TBCA: variants seen among roughly 807,000 people sequenced by gnomAD.
The protein encoded by TBCA is tubulin-specific chaperone A.
Under a neutral mutation model 15.8 loss-of-function variants are expected in TBCA, and 6 were observed. The ratio of observed to expected loss-of-function variants is 0.38; its 90% CI spans 0.21 to 0.75. The LOEUF (loss-of-function observed/expected upper bound fraction) is 0.75. Ranked by LOEUF, TBCA falls within the 30% of genes least tolerant of loss-of-function variation. The pLI is 0.46. For synonymous variants in TBCA, 32 were observed against 42.3 expected (o/e 0.76, Z 0.94); for missense variants, 90 against 131.2 (o/e 0.69, Z 1.53).
At chr5:77,741,501 G>T (rs951247844) in intron 1 of TBCA, among the ~76,000 whole-genome samples, 1 of 152,082 alleles carries the variant, frequency 6.6e-6, no homozygotes, top group African/African-American at 2.4e-5. Flanking sequence ...CATACAAAGA[G>T]CACCTGATCC....
At chr5:77,758,633 CTT>C (rs1481147182) in intron 1 of TBCA, among the ~76,000 whole-genome samples, 1 of 152,204 alleles carries the variant, frequency 6.6e-6, no homozygotes, top group Admixed American at 6.5e-5. Flanking sequence ...CTTCCAGGGT[CTT>C]GTGTCCCTTT....
At chr5:77,703,185 T>C (rs1042001442) in intron 2 of TBCA, among the ~76,000 whole-genome samples, 12 of 152,334 alleles carry the variant, frequency 7.9e-5, no homozygotes, top group African/African-American at 2.9e-4. Context: ...TGAAAACTCT[T>C]TTGTGAGAAA....
chr5:77,699,389 T>C (rs1465100567), intron 2 of TBCA, among the ~76,000 whole-genome samples: 1 of 152,190 alleles, frequency 6.6e-6, no homozygotes, highest in African/African-American at 2.4e-5. Flanking sequence ...AACAGTGCAG[T>C]ATTGTTAATG....
At chr5:77,730,117 C>T (rs913756742) in intron 1 of TBCA, among the ~76,000 whole-genome samples, 2 of 152,100 alleles carry the variant, frequency 1.3e-5, no homozygotes, top group Non-Finnish European at 2.9e-5. Flanking sequence ...TCAGCTGAGA[C>T]GTTGTATTGG....
intron 2 of TBCA, among the ~76,000 whole-genome samples, chr5:77,694,868 C>T (rs999742012): frequency 7.2e-5 from 11 of 152,140 alleles, no homozygotes; most frequent in African/African-American, 2.2e-4. Flanking sequence ...GAACTTAAAC[C>T]TCTTTTACTA....
intron 1 of TBCA, among the ~76,000 whole-genome samples, chr5:77,774,297 G>A (rs944525570): frequency 1.1e-4 from 16 of 152,114 alleles, no homozygotes; most frequent in Non-Finnish European, 2.4e-4. Context: ...TGTCTCTTAA[G>A]GGGAAAATCT....
intron 2 of TBCA, among the ~76,000 whole-genome samples, chr5:77,706,048 G>A (rs1746142511): frequency 1.3e-5 from 2 of 152,120 alleles, no homozygotes; most frequent in South Asian, 4.1e-4. Context: ...CCAACAGGTT[G>A]TTTCAGCTGC....
At chr5:77,764,829 C>T (rs1219390419) in intron 1 of TBCA, among the ~76,000 whole-genome samples, 2 of 152,104 alleles carry the variant, frequency 1.3e-5, no homozygotes, top group Non-Finnish European at 2.9e-5. Flanking sequence ...CATTGCTAGC[C>T]ATCCCAATAT....
chr5:77,736,825 G>A (rs1178030937), intron 1 of TBCA, among the ~76,000 whole-genome samples: 1 of 152,150 alleles, frequency 6.6e-6, no homozygotes, highest in Non-Finnish European at 1.5e-5. Context: ...TGATAACACA[G>A]AGCTATATAA....
chr5:77,750,571 T>C (rs1318291003), intron 1 of TBCA, among the ~76,000 whole-genome samples: 2 of 152,094 alleles, frequency 1.3e-5, no homozygotes, highest in Non-Finnish European at 2.9e-5. Context: ...TCACCTAAAA[T>C]AATTAGTAGT....
At chr5:77,720,023 A>G (rs555983072) in intron 1 of TBCA, among the ~76,000 whole-genome samples, 1 of 152,158 alleles carries the variant, frequency 6.6e-6, no homozygotes, top group Non-Finnish European at 1.5e-5. Context: ...GTCCAGACCC[A>G]TATCTCTAAC....
chr5:77,763,533 C>G (rs536161917), intron 1 of TBCA, among the ~76,000 whole-genome samples: 1 of 152,134 alleles, frequency 6.6e-6, no homozygotes, highest in East Asian at 1.9e-4. Context: ...TTCAATGTAA[C>G]GCTATTAGGA....
In TBCA at chr5:77,776,212, C is replaced by G. The variant is rs1748023718; in HGVS notation, c.46G>C (p.Val16Leu). Residue 16 changes from valine (V) to leucine (L), a missense_variant, in exon 1 of 4, where the codon GTG becomes CTG. Physicochemically the swap from Val to Leu is conservative, Grantham distance 32 (BLOSUM62 1). Transcript: ENST00000380377. ...CCGCTCCCGGCTCCTTACCGCTTCA[C>G]CACGCCGGTCTTGATCTTGATCTGT... The part of the protein sequence containing the change: ...VRQIKIKTGV[V>L]KRLVKEKVMY... The G allele has an allele frequency of 5.1e-6, 8 of 1,569,622 alleles. No homozygotes were observed. The highest frequency in any genetic ancestry group is 6.9e-6 in the Non-Finnish European group (8 of 1,158,382).
At chr5:77,767,267 GACAA>G (rs1461310665) in intron 1 of TBCA, among the ~76,000 whole-genome samples, 1 of 151,988 alleles carries the variant, frequency 6.6e-6, no homozygotes, top group Non-Finnish European at 1.5e-5. Flanking sequence ...ATACTATATA[GACAA>G]ACAAACCGAG....
intron 1 of TBCA, among the ~76,000 whole-genome samples, chr5:77,740,735 G>T (rs1330803872): frequency 6.6e-6 from 1 of 152,136 alleles, no homozygotes; most frequent in Non-Finnish European, 1.5e-5. Context: ...TGATAACTGA[G>T]GTCATGAGTG....
chr5:77,705,365 C>T (rs1746126725), intron 2 of TBCA, among the ~76,000 whole-genome samples: 1 of 151,986 alleles, frequency 6.6e-6, no homozygotes, highest in African/African-American at 2.4e-5. Context: ...CCAAGAAGGA[C>T]CTGGATGAAA....
At chr5:77,699,032 T>TAAAAAAAAAAAAAA (rs1307801323) in intron 2 of TBCA, among the ~76,000 whole-genome samples, 1 of 22,528 alleles carries the variant, frequency 4.4e-5, no homozygotes, top group Non-Finnish European at 7.7e-5. Flanking sequence ...TGCAAGAGCA[T>TAAAAAAAAAAAAAA]CAAAAAAAAA....
At chr5:77,693,541 G>A (rs1745802879) in intron 2 of TBCA, 189 bp from the exon 3 acceptor site, 1 of 702,642 alleles carries the variant, frequency 1.4e-6, no homozygotes, top group Non-Finnish European at 2.3e-6. Flanking sequence ...GCTCACGCCT[G>A]TAATCCCAGC....
chr5:77,736,122 T>G (rs1430196956), intron 1 of TBCA, among the ~76,000 whole-genome samples: 2 of 151,878 alleles, frequency 1.3e-5, no homozygotes. Flanking sequence ...ATCACGAGGT[T>G]AGGAGATCGA....
Sources: gnomAD v4.1 joint callset for allele counts (sites outside exome capture counted in the v4.1 genomes callset) on GRCh38, gnomAD v4.1.1 for gene constraint, MANE v1.5 for transcripts, NCBI Gene and HGNC (gene_info 2026-07-23, HGNC 2026-07-21) for gene names.